Variants in PPP1R17 observed in about 807,000 individuals in gnomAD.
PPP1R17 encodes the protein G-substrate.
Under a neutral mutation model 15.9 loss-of-function variants are expected in PPP1R17, and 12 were observed. That is an observed-to-expected ratio of 0.75 (90% confidence interval 0.48 to 1.22). The LOEUF (loss-of-function observed/expected upper bound fraction) is 1.22. PPP1R17 is among the 50% of genes most tolerant of loss of function. The pLI, the probability that PPP1R17 is intolerant of heterozygous loss-of-function variation, is 0.00. For missense variants in PPP1R17, 211 were observed against 187.3 expected (o/e 1.13, Z -0.74); for synonymous variants, 63 against 64.5 (o/e 0.98, Z 0.11).
At chr7:31,690,062 T>G (rs1174494055) in intron 1 of PPP1R17, among the ~76,000 whole-genome samples, 1 of 152,232 alleles carries the variant, frequency 6.6e-6, no homozygotes, top group Non-Finnish European at 1.5e-5. Context: ...TCTGACATGT[T>G]TGATTATTCA....
chr7:31,697,286 A>C (rs1201558828), intron 4 of PPP1R17, among the ~76,000 whole-genome samples, 169 bp downstream of exon 4: 1 of 152,086 alleles, frequency 6.6e-6, no homozygotes. Flanking sequence ...GTTTATCTCT[A>C]CTAGTAGCTC....
chr7:31,695,728 T>A, intron 3 of PPP1R17, 107 bp downstream of exon 3: 2 of 1,130,794 alleles, frequency 1.8e-6, no homozygotes, highest in Non-Finnish European at 2.5e-6. Context: ...TAAAGTAATT[T>A]GTGCACTCCC....
chr7:31,699,609 C>T (rs573665533), intron 4 of PPP1R17, among the ~76,000 whole-genome samples: 91 of 151,672 alleles, frequency 6.0e-4, no homozygotes, highest in Non-Finnish European at 1.2e-3. Flanking sequence ...TTCCATTTCT[C>T]TTCACTTTTT....
At chr7:31,689,264 T>C (rs755503720) in intron 1 of PPP1R17, among the ~76,000 whole-genome samples, 5 of 152,190 alleles carry the variant, frequency 3.3e-5, no homozygotes, top group Admixed American at 6.5e-5. Flanking sequence ...CAAGTCTTTG[T>C]AGTAGACACA....
Position 31,703,761 on chromosome 7 carries a change from G to A in PPP1R17, c.389-3443G>A, listed in dbSNP as rs77489706. Among the ~76,000 whole-genome samples, 31 of 152,304 alleles carry A rather than the reference G, an allele frequency of 2.0e-4. No individual in the cohort carries two copies. The East Asian group carries it at 5.8e-3, about 29-fold the overall frequency. On this transcript the variant is annotated intron_variant, in intron 4 of 4. Transcript: ENST00000342032. ...TGGAGACATCTCTCATTAGCCCTTG[G>A]CAAGTGAAAACTGGACAAGGATCCA...
intron 4 of PPP1R17, among the ~76,000 whole-genome samples, chr7:31,702,863 T>C (rs545019594): frequency 1.3e-5 from 2 of 152,326 alleles, no homozygotes; most frequent in African/African-American, 4.8e-5. Context: ...TATTTTCTGT[T>C]CGTGCTTGTA....
chr7:31,696,721 A>T (rs929586098), intron 3 of PPP1R17, among the ~76,000 whole-genome samples: 1 of 152,112 alleles, frequency 6.6e-6, no homozygotes, highest in Admixed American at 6.5e-5. Flanking sequence ...CATAATACTA[A>T]ATTCCTCAGG....
At chr7:31,693,031 AT>A (rs5883304) in intron 2 of PPP1R17, among the ~76,000 whole-genome samples, 20,105 of 152,140 alleles carry the variant, frequency 0.13, 1,550 homozygotes, top group East Asian at 0.36. Context: ...TACCAGAAAC[AT>A]TTCTGCCGCT....
chr7:31,696,915 G>A (rs768420043), intron 3 of PPP1R17, 50 bp from the exon 4 acceptor site: 27 of 1,557,486 alleles, frequency 1.7e-5, no homozygotes, highest in Non-Finnish European at 2.2e-5. Flanking sequence ...TCATATATTA[G>A]GATATATGTA....
intron 4 of PPP1R17, 36 bp from the exon 5 acceptor site, chr7:31,707,168 A>C: frequency 6.3e-7 from 1 of 1,578,206 alleles, no homozygotes; most frequent in Non-Finnish European, 8.7e-7. Flanking sequence ...TTTTAATTAG[A>C]GGTACTTAAT....
chr7:31,698,485 C>A (rs1284989551), intron 4 of PPP1R17, among the ~76,000 whole-genome samples: 2 of 152,222 alleles, frequency 1.3e-5, no homozygotes, highest in Non-Finnish European at 2.9e-5. Flanking sequence ...TTCTTTCACA[C>A]ACACACATTT....
rs773470082 is a variant in PPP1R17 at position 31,696,937 on chromosome 7, TTCTC to T, written c.236-24_236-21del. ...TTAGGATATATGTATTTGATCCTGT[TTCTC>T]TCTGTGTTCCCCTAACCATGCAGGT... On this transcript the variant is annotated intron_variant, in intron 3 of 4. Coordinates refer to ENST00000342032, the MANE Select transcript of PPP1R17 (RefSeq NM_006658.5). 27 of 1,609,928 alleles carry T rather than the reference TTCTC, an allele frequency of 1.7e-5. 1 individual carries two copies. The East Asian group carries it at 2.9e-4, about 17-fold the overall frequency.
chr7:31,688,295 G>A (rs568157553), intron 1 of PPP1R17, among the ~76,000 whole-genome samples: 1 of 152,310 alleles, frequency 6.6e-6, no homozygotes, highest in South Asian at 2.1e-4. Flanking sequence ...GCTAGAGAGT[G>A]GTACAAGCAG....
intron 1 of PPP1R17, among the ~76,000 whole-genome samples, chr7:31,691,523 C>A (rs1372411085): frequency 2.6e-5 from 4 of 152,090 alleles, no homozygotes; most frequent in Non-Finnish European, 1.5e-5. Flanking sequence ...TCAGCTAATG[C>A]ATTTCTCCTT....
intron 2 of PPP1R17, 43 bp from the exon 3 acceptor site, chr7:31,695,426 A>G: frequency 6.5e-7 from 1 of 1,541,030 alleles, no homozygotes; most frequent in Non-Finnish European, 8.8e-7. Flanking sequence ...TGGATCCTTA[A>G]TCATGTTATA....
rs561415509 is a variant in PPP1R17, at chr7:31,704,520, C to T, written c.389-2684C>T. ...ACATTTGCTAAATCCCTACTGCATT[C>T]TAAGTCTTGTGCCAGATGTTAGCAT... On this transcript the variant is annotated intron_variant, in intron 4 of 4. Coordinates refer to ENST00000342032, the MANE Select transcript of PPP1R17 (RefSeq NM_006658.5). Among the ~76,000 whole-genome samples the T allele has an allele frequency of 5.3e-5, 8 of 152,318 alleles. 1 individual carries two copies. In the South Asian group the frequency reaches 1.7e-3, roughly 32 times the overall value.
At position 31,701,226 on chromosome 7, in the gene PPP1R17, T is replaced by C. The variant is rs183628219; in HGVS notation, c.388+4109T>C. Among the ~76,000 whole-genome samples, 266 of 152,230 alleles carry C rather than the reference T, an allele frequency of 1.7e-3. 2 individuals are homozygous for C. Among genetic ancestry groups the C allele is most frequent in the Admixed American group, 3.9e-3 (60 of 15,286 alleles). On this transcript the variant is annotated intron_variant, in intron 4 of 4. Transcript: ENST00000342032. ...TGACTCAAGGGAGGAGGTCAAAATA[T>C]CAAAAATAGCAGGAGTTTGGAAGAA... is the stretch of plus-strand genomic sequence containing the variant.
chr7:31,697,440 G>A (rs1257951975), intron 4 of PPP1R17, among the ~76,000 whole-genome samples: 2 of 152,148 alleles, frequency 1.3e-5, no homozygotes, highest in East Asian at 1.9e-4. Flanking sequence ...AGGCTTCCAC[G>A]GATTTTGCGT....
intron 1 of PPP1R17, among the ~76,000 whole-genome samples, chr7:31,688,285 G>C (rs1341714746): frequency 1.3e-5 from 2 of 152,208 alleles, no homozygotes; most frequent in South Asian, 4.1e-4. Context: ...AGTTCACCCA[G>C]CTAGAGAGTG....
Sources: allele counts gnomAD v4.1 joint callset (sites outside exome capture counted in the v4.1 genomes callset), GRCh38; gene constraint gnomAD v4.1.1; transcripts MANE v1.5; gene names NCBI Gene and HGNC (gene_info 2026-07-23, HGNC 2026-07-21).